LAMA2: variants seen among roughly 807,000 people sequenced by gnomAD.
LAMA2 encodes laminin subunit alpha 2.
A neutral mutation model predicts 364.8 loss-of-function variants in LAMA2; 269 were observed. That is an observed-to-expected ratio of 0.74 (90% confidence interval 0.67 to 0.82). The LOEUF (loss-of-function observed/expected upper bound fraction) is 0.82. LAMA2 is among the 40% of genes least tolerant of loss of function. The pLI, the probability that LAMA2 is intolerant of heterozygous loss-of-function variation, is 0.00. For missense variants in LAMA2, 3,807 were observed against 3,873.2 expected, an observed-to-expected ratio of 0.98 and a Z score of 0.45; for synonymous variants, 1,379 against 1,370.6, an observed-to-expected ratio of 1.01 and a Z score of -0.14.
intron 30 of LAMA2, among the ~76,000 whole-genome samples, chr6:129,345,786 T>G (rs2114576467): frequency 6.6e-6 from 1 of 152,324 alleles, no homozygotes; most frequent in Non-Finnish European, 1.5e-5. Flanking sequence ...ACCTACTCAA[T>G]GGATTTCATG....
At chr6:129,215,919 ACTTTT>A (rs1178625295) in intron 12 of LAMA2, among the ~76,000 whole-genome samples, 2 of 152,194 alleles carry the variant, frequency 1.3e-5, no homozygotes, top group African/African-American at 4.8e-5. Flanking sequence ...TGTATTTGTC[ACTTTT>A]CTTCTCTTCT....
chr6:129,353,259 A>T lies in LAMA2; in HGVS notation c.4619A>T (p.Asp1540Val). The stretch of plus-strand genomic sequence containing the variant: ...TATGGCTCACTGCCTGTGCCCTGTG[A>T]CCCTGTCACAGGATTCTGCACGTGC... ...DPYGSLPVPCDPVTGFCTCRP... is the reference protein window; with the variant it reads ...DPYGSLPVPCVPVTGFCTCRP... The change falls in exon 32 of 65, where the codon GAC becomes GTC. Residue 1540 changes from aspartate to valine, a missense_variant. Around this residue, in one of 3 missense-constraint regions of LAMA2, gnomAD observed 3,333 missense variants for 3,345.7 expected, o/e 1.00. Coordinates refer to ENST00000421865, the MANE Select transcript of LAMA2 (RefSeq NM_000426.4). The T allele has an allele frequency of 6.2e-7, 1 of 1,613,932 alleles. No individual in the cohort carries two copies. Among genetic ancestry groups the T allele is most frequent in the Non-Finnish European group, 8.5e-7 (1 of 1,179,958 alleles).
chr6:129,440,811 G>T lies in LAMA2; in HGVS notation c.6086-5G>T, dbSNP rs1358364243. 1 of 1,613,554 alleles carries T rather than the reference G, an allele frequency of 6.2e-7. No homozygotes were observed. Among genetic ancestry groups the T allele is most frequent in the Admixed American group, 1.7e-5 (1 of 59,980 alleles). ...TTTGTTTTTCATACCCTCATCTGCT[G>T]ACAGATACAGCTGCTAAACTGCAAG... On this transcript the variant is annotated splice_polypyrimidine_tract_variant and splice_region_variant and intron_variant, in intron 42 of 64. Coordinates refer to ENST00000421865, the MANE Select transcript of LAMA2 (RefSeq NM_000426.4).
At chr6:129,340,886 G>A (rs886110069) in intron 29 of LAMA2, among the ~76,000 whole-genome samples, 3 of 148,032 alleles carry the variant, frequency 2.0e-5, no homozygotes, top group Admixed American at 2.0e-4. Flanking sequence ...GAAAAGACTT[G>A]TACCTTGTCA....
At chr6:129,446,584 TAGAA>T (rs1782400287) in intron 45 of LAMA2, among the ~76,000 whole-genome samples, 1 of 77,338 alleles carries the variant, frequency 1.3e-5, no homozygotes, top group African/African-American at 5.5e-5. Context: ...GGAGGGGTGG[TAGAA>T]AGAAAGAAGG....
chr6:129,326,163 C>A (rs1775267760), intron 28 of LAMA2, among the ~76,000 whole-genome samples: 1 of 152,146 alleles, frequency 6.6e-6, no homozygotes, highest in Non-Finnish European at 1.5e-5. Flanking sequence ...CTTTTAAATG[C>A]ACACATACAC....
intron 1 of LAMA2, among the ~76,000 whole-genome samples, chr6:128,997,875 A>G (rs1784089479): frequency 6.6e-6 from 1 of 152,104 alleles, no homozygotes. Context: ...GAAGGACCCA[A>G]TTTTCTCAGA....
intron 4 of LAMA2, among the ~76,000 whole-genome samples, chr6:129,109,351 A>G (rs1326806255): frequency 6.6e-6 from 1 of 152,120 alleles, no homozygotes; most frequent in African/African-American, 2.4e-5. Context: ...GTTTTTGACT[A>G]CGACTTTAAT....
intron 44 of LAMA2, among the ~76,000 whole-genome samples, chr6:129,443,323 C>T (rs1782210391): frequency 6.6e-6 from 1 of 152,104 alleles, no homozygotes; most frequent in Non-Finnish European, 1.5e-5. Flanking sequence ...GTGGCTCATA[C>T]TCTAACCCCA....
intron 12 of LAMA2, among the ~76,000 whole-genome samples, chr6:129,204,200 T>C (rs769663934): frequency 3.3e-5 from 5 of 152,202 alleles, no homozygotes; most frequent in Non-Finnish European, 7.4e-5. Flanking sequence ...TTAACCAGAT[T>C]TGTGAAATAC....
chr6:129,360,850 A>G (rs1777419208), intron 32 of LAMA2, among the ~76,000 whole-genome samples: 1 of 152,186 alleles, frequency 6.6e-6, no homozygotes, highest in South Asian at 2.1e-4. Context: ...ATATTACAGT[A>G]CATCAGCTCT....
At chr6:129,224,273 C>G (rs1784081619) in intron 12 of LAMA2, among the ~76,000 whole-genome samples, 1 of 152,160 alleles carries the variant, frequency 6.6e-6, no homozygotes, top group African/African-American at 2.4e-5. Flanking sequence ...TCTAAATATA[C>G]AATTATGTCA....
At chr6:129,006,545 A>C (rs951074480) in intron 1 of LAMA2, among the ~76,000 whole-genome samples, 1 of 152,068 alleles carries the variant, frequency 6.6e-6, no homozygotes, top group Non-Finnish European at 1.5e-5. Flanking sequence ...TCATCCACTC[A>C]GCCACCAACT....
intron 1 of LAMA2, among the ~76,000 whole-genome samples, chr6:129,005,531 C>G (rs1251133563): frequency 6.6e-6 from 1 of 151,764 alleles, no homozygotes; most frequent in Non-Finnish European, 1.5e-5. Context: ...TTTGATTTCT[C>G]ATTACTTTCA....
chr6:129,301,868 G>T (rs2451689), intron 22 of LAMA2, among the ~76,000 whole-genome samples: 90,689 of 151,830 alleles, frequency 0.6, 27,492 homozygotes, highest in East Asian at 0.84. Context: ...TACAACTTCT[G>T]AAAAATAGAA....
intron 1 of LAMA2, among the ~76,000 whole-genome samples, chr6:128,934,161 C>T (rs554117785): frequency 6.6e-6 from 1 of 152,280 alleles, no homozygotes; most frequent in African/African-American, 2.4e-5. Context: ...ATGTGGATAT[C>T]TAGTTTCCCC....
intron 1 of LAMA2, among the ~76,000 whole-genome samples, chr6:129,031,765 G>T (rs1786242022): frequency 6.6e-6 from 1 of 152,112 alleles, no homozygotes; most frequent in Non-Finnish European, 1.5e-5. Context: ...AAGAAAGTTT[G>T]CCATGTCTCC....
intron 4 of LAMA2, 128 bp downstream of exon 4, chr6:129,098,543 A>G (rs1255486335): frequency 9.0e-7 from 1 of 1,106,608 alleles, no homozygotes; most frequent in Non-Finnish European, 1.3e-6. Context: ...AGTACATTTA[A>G]ATGAGTTATT....
chr6:129,242,964 A>G (rs1042974703), intron 12 of LAMA2, among the ~76,000 whole-genome samples: 2 of 152,148 alleles, frequency 1.3e-5, no homozygotes, highest in African/African-American at 4.8e-5. Flanking sequence ...ATGTTTTGCA[A>G]ATCTATTCAT....
Sources: gnomAD v4.1 joint callset for allele counts (sites outside exome capture counted in the v4.1 genomes callset) on GRCh38, gnomAD v4.1.1 for gene constraint, gnomAD v4.1.1 regional missense constraint, MANE v1.5 for transcripts, NCBI Gene and HGNC (gene_info 2026-07-23, HGNC 2026-07-21) for gene names.